The following EMP2 variants were observed in gnomAD, a reference collection of about 807,000 sequenced individuals.
EMP2 encodes epithelial membrane protein 2.
A neutral mutation model predicts 13.7 loss-of-function variants in EMP2; 19 were observed. The ratio of observed to expected loss-of-function variants is 1.38; its 90% CI spans 0.97 to 2.03. The LOEUF (loss-of-function observed/expected upper bound fraction) is 2.03, where lower values mean the gene tolerates loss of function less well. Among genes scored for constraint, EMP2 ranks in the 30% most tolerant of loss-of-function variants. The probability of loss-of-function intolerance (pLI) is 0.00; values close to 1 mark genes in which losing one functional copy is unlikely to be tolerated. For missense variants in EMP2, 253 were observed against 220.7 expected, an observed-to-expected ratio of 1.15 and a Z score of -0.93; for synonymous variants, 97 against 84.7, an observed-to-expected ratio of 1.15 and a Z score of -0.80.
At chr16:10,561,327 C>T (rs1336877309) in intron 1 of EMP2, among the ~76,000 whole-genome samples, 1 of 152,192 alleles carries the variant, frequency 6.6e-6, no homozygotes, top group Non-Finnish European at 1.5e-5. Flanking sequence ...TCAGGACTGT[C>T]ACTCAGGAGA....
intron 1 of EMP2, among the ~76,000 whole-genome samples, chr16:10,549,715 G>GCGCACACACACACTCACA (rs879352910): frequency 4.1e-4 from 33 of 80,732 alleles, no homozygotes; most frequent in African/African-American, 2.0e-3. Context: ...ATTAATGCAC[G>GCGCACACACACACTCACA]CACACACACA....
At chr16:10,570,243 A>T (rs1461004310) in intron 1 of EMP2, among the ~76,000 whole-genome samples, 14 of 131,078 alleles carry the variant, frequency 1.1e-4, no homozygotes, top group Admixed American at 1.6e-4. Flanking sequence ...TTTTTTTTTT[A>T]AAGACAGAGT....
rs139079262 is a variant in EMP2, at chr16:10,563,841, T to C, written c.-60-16164A>G. On this transcript the variant is annotated intron_variant, in intron 1 of 4. Coordinates refer to ENST00000359543, the MANE Select transcript of EMP2 (RefSeq NM_001424.6). ...CTGTTGGGAGATAATGAAGTGAAAG[T>C]AGTTAGAACAGCATCTGGCATGTAG... Among the ~76,000 whole-genome samples the C allele has an allele frequency of 5.1e-3, 777 of 152,252 alleles. 7 individuals carry two copies. Among genetic ancestry groups the C allele is most frequent in the Non-Finnish European group, 5.6e-3 (380 of 68,012 alleles).
intron 1 of EMP2, among the ~76,000 whole-genome samples, chr16:10,574,993 C>T (rs1294075165): frequency 1.3e-5 from 2 of 152,138 alleles, no homozygotes; most frequent in East Asian, 3.9e-4. Context: ...TCAAGCAATC[C>T]TCCCGCCTCA....
In EMP2 at chr16:10,538,073, C is replaced by T. The variant is rs778846835; in HGVS notation, c.171G>A (p.Glu57=). The T allele has an allele frequency of 2.5e-6, 4 of 1,613,424 alleles. No homozygotes were observed. The highest frequency in any genetic ancestry group is 2.2e-5 in the East Asian group (1 of 44,880). ...NCTVINDSFQ[E]YSTLQAVQAT... ...CCTGGACCGCCTGCAGCGTGGAGTA[C>T]TCTGCGGGAAAAGGGCAGGGGCGCA... The change falls in exon 4 of 5, where the codon GAG becomes GAA. Residue 57 remains glutamate, a splice_region_variant and synonymous_variant. Coordinates refer to ENST00000359543, the MANE Select transcript of EMP2 (RefSeq NM_001424.6).
chr16:10,569,394 A>ATT (rs1314220546), intron 1 of EMP2, among the ~76,000 whole-genome samples: 4 of 152,186 alleles, frequency 2.6e-5, no homozygotes, highest in Non-Finnish European at 5.9e-5. Flanking sequence ...ATGCAGTGGC[A>ATT]TGATCACAGC....
intron 1 of EMP2, among the ~76,000 whole-genome samples, chr16:10,563,229 T>C: frequency 6.6e-6 from 1 of 152,142 alleles, no homozygotes; most frequent in Non-Finnish European, 1.5e-5. Flanking sequence ...TCTCACTCTG[T>C]CACCCAGGCT....
Position 10,547,640 on chromosome 16 carries a change from A to T in EMP2, c.-23T>A. ...CATTTTCACAGGGCAGGGCGAGTCG[A>T]GGCGAGGGGTCACGTTTAAAGCCCA... On this transcript the variant is annotated 5_prime_UTR_variant, in exon 2 of 5. Transcript: ENST00000359543. The T allele has an allele frequency of 6.2e-7, 1 of 1,613,550 alleles. No homozygotes were observed. Among genetic ancestry groups the T allele is most frequent in the South Asian group, 1.1e-5 (1 of 90,990 alleles).
intron 1 of EMP2, among the ~76,000 whole-genome samples, chr16:10,562,539 G>T (rs905031299): frequency 1.3e-5 from 2 of 152,104 alleles, no homozygotes; most frequent in Non-Finnish European, 2.9e-5. Flanking sequence ...CCCACTAGCT[G>T]ACCACAGACA....
At chr16:10,560,655 G>A (rs991819431) in intron 1 of EMP2, among the ~76,000 whole-genome samples, 6 of 152,216 alleles carry the variant, frequency 3.9e-5, no homozygotes, top group Admixed American at 6.5e-5. Context: ...CGGATATGAC[G>A]TGATGGGAGA....
chr16:10,562,452 G>A (rs1204464006), intron 1 of EMP2, among the ~76,000 whole-genome samples: 1 of 151,360 alleles, frequency 6.6e-6, no homozygotes, highest in Non-Finnish European at 1.5e-5. Context: ...CTGGCTTGCT[G>A]GAAGATAAGA....
At chr16:10,536,008 G>T (rs1300295358) in intron 4 of EMP2, among the ~76,000 whole-genome samples, 1 of 152,160 alleles carries the variant, frequency 6.6e-6, no homozygotes, top group East Asian at 1.9e-4. Flanking sequence ...ACTTTAGAAA[G>T]GTCCCCGGAA....
chr16:10,533,216 G>A, intron 4 of EMP2, 124 bp from the exon 5 acceptor site: 2 of 1,009,302 alleles, frequency 2.0e-6, no homozygotes, highest in Non-Finnish European at 1.3e-6. Flanking sequence ...TTATTATTTT[G>A]TTGTAGAGAC....
At chr16:10,565,481 A>C (rs1221879295) in intron 1 of EMP2, among the ~76,000 whole-genome samples, 1 of 152,230 alleles carries the variant, frequency 6.6e-6, no homozygotes, top group Non-Finnish European at 1.5e-5. Flanking sequence ...ATGGGTCTCC[A>C]AGCCTGCTGG....
chr16:10,532,751 C>CTTTTTCTTTTTTTTTTTTTTTTTTTTTTT lies in EMP2; in HGVS notation c.*153_*154insAAAAAAAAAAAAAAAAAAAAAAAGAAAAA, dbSNP rs2050614204. The CTTTTTCTTTTTTTTTTTTTTTTTTTTTTT allele has an allele frequency of 5.0e-6, 1 of 199,580 alleles. No individual in the cohort carries two copies. The highest frequency in any genetic ancestry group is 6.9e-6 in the Non-Finnish European group (1 of 145,886). 12.4% of individuals were successfully genotyped at this position (199,580 alleles called of 1,614,324 possible). ...CTTCTCTCTTTTGGATTTTTTTTTTCTTTTTTCTTTTTTTTTTTTTTTTTT... is the reference window on the plus strand; with the variant it reads ...CTTCTCTCTTTTGGATTTTTTTTTTCTTTTTCTTTTTTTTTTTTTTTTTTTTTTTTTTTTTCTTTTTTTTTTTTTTTTTT... On this transcript the variant is annotated 3_prime_UTR_variant, in exon 5 of 5. Coordinates refer to ENST00000359543, the MANE Select transcript of EMP2 (RefSeq NM_001424.6).
Position 10,532,675 on chromosome 16 carries a change from C to T in EMP2, c.*230G>A. On this transcript the variant is annotated 3_prime_UTR_variant, in exon 5 of 5. Coordinates refer to ENST00000359543, the MANE Select transcript of EMP2 (RefSeq NM_001424.6). ...TGAGACTTTTGAGTGGGCAGCAGTT[C>T]TGAATACCAGCCTTCATAGTCTATT... 3.2e-6 allele frequency: 1 copy of T among 310,512 alleles called. No homozygotes were observed. Among genetic ancestry groups the T allele is most frequent in the Non-Finnish European group, 5.6e-6 (1 of 179,656 alleles). The allele number at this position is 310,512 out of a possible 1,614,324, so 19.2% of individuals were successfully genotyped here.
intron 1 of EMP2, among the ~76,000 whole-genome samples, chr16:10,561,379 G>A (rs1022394367): frequency 5.9e-5 from 9 of 152,178 alleles, no homozygotes; most frequent in Non-Finnish European, 1.2e-4. Context: ...TGGGTACACA[G>A]GTGGCAGACA....
intron 3 of EMP2, among the ~76,000 whole-genome samples, chr16:10,543,002 C>T (rs1358463328): frequency 6.6e-6 from 1 of 152,166 alleles, no homozygotes; most frequent in African/African-American, 2.4e-5. Context: ...TGCACCACCA[C>T]GCCCAGCTAA....
intron 3 of EMP2, among the ~76,000 whole-genome samples, chr16:10,541,459 C>A (rs1281032233): frequency 3.3e-5 from 5 of 152,078 alleles, no homozygotes; most frequent in Non-Finnish European, 5.9e-5. Flanking sequence ...GTTCTTAGCT[C>A]CCCGGCCAAA....
Sources: allele counts gnomAD v4.1 joint callset (sites outside exome capture counted in the v4.1 genomes callset), GRCh38; gene constraint gnomAD v4.1.1; transcripts MANE v1.5; gene names NCBI Gene and HGNC (gene_info 2026-07-23, HGNC 2026-07-21).